HEATR5A: variants seen among roughly 807,000 people sequenced by gnomAD.
The protein encoded by HEATR5A is HEAT repeat containing 5A.
A neutral mutation model predicts 218.8 loss-of-function variants in HEATR5A; 178 were observed. That is an observed-to-expected ratio of 0.81 (90% confidence interval 0.72 to 0.92). HEATR5A has a LOEUF of 0.92. Among genes scored for constraint, HEATR5A ranks in the 40% least tolerant of loss-of-function variants. The pLI is 0.00. For synonymous variants in HEATR5A, 864 were observed against 871.6 expected, an observed-to-expected ratio of 0.99 and a Z score of 0.15; for missense variants, 2,420 against 2,418.9, an observed-to-expected ratio of 1.00 and a Z score of -0.01.
intron 1 of HEATR5A, among the ~76,000 whole-genome samples, chr14:31,416,788 T>A (rs1339926013): frequency 6.6e-6 from 1 of 152,152 alleles, no homozygotes; most frequent in African/African-American, 2.4e-5. Context: ...CAACTAGGAA[T>A]CACTAGATTC....
rs191890444 is a variant in HEATR5A at position 31,342,956 on chromosome 14, C to T, written c.3228+940G>A. Among the ~76,000 whole-genome samples, 4 of 152,222 alleles carry T rather than the reference C, an allele frequency of 2.6e-5. No homozygotes were observed. The East Asian group carries it at 5.8e-4, about 22-fold the overall frequency. On this transcript the variant is annotated intron_variant, in intron 21 of 35. Coordinates refer to ENST00000543095, the MANE Select transcript of HEATR5A (RefSeq NM_015473.4). ...TCTATATAATGATTTTCAACAGTCACGTTACTAATGGGAGTGTGCTACGAA... is the reference window on the plus strand; with the variant it reads ...TCTATATAATGATTTTCAACAGTCATGTTACTAATGGGAGTGTGCTACGAA...
intron 8 of HEATR5A, 33 bp downstream of exon 8, chr14:31,387,087 T>C: frequency 6.2e-7 from 1 of 1,608,744 alleles, no homozygotes; most frequent in Non-Finnish European, 8.5e-7. Flanking sequence ...CCATTAGCAC[T>C]GTTAAACAAA....
chr14:31,348,321 C>G (rs917492728), intron 18 of HEATR5A, among the ~76,000 whole-genome samples: 3 of 152,110 alleles, frequency 2.0e-5, no homozygotes, highest in Admixed American at 1.3e-4. Flanking sequence ...CACGCCTGTA[C>G]TCTCAGCACT....
chr14:31,302,420 G>C lies in HEATR5A; in HGVS notation c.5339C>G (p.Ala1780Gly). Reference protein sequence around the residue: ...LPGGQLSSTVAASLQALKGIL... With the variant: ...LPGGQLSSTVGASLQALKGIL... The stretch of plus-strand genomic sequence containing the variant: ...TCCTTTTAGAGCCTGTAGGGAAGCT[G>C]CAACTGTCGAAGATAACTGGCCCCC... The change falls in exon 33 of 36, where the codon GCA (alanine) becomes GGA (glycine). Residue 1780 changes from alanine to glycine, a missense_variant. Physicochemically the swap from Ala to Gly is moderately conservative, Grantham distance 60 (BLOSUM62 0). Coordinates refer to ENST00000543095, the MANE Select transcript of HEATR5A (RefSeq NM_015473.4). 6.3e-7 allele frequency: 1 copy of C among 1,599,386 alleles called. No homozygotes were observed. Among genetic ancestry groups the C allele is most frequent in the South Asian group, 1.1e-5 (1 of 88,340 alleles).
At chr14:31,367,752 T>C (rs1162574701) in intron 13 of HEATR5A, among the ~76,000 whole-genome samples, 3 of 151,642 alleles carry the variant, frequency 2.0e-5, no homozygotes, top group East Asian at 1.9e-4. Flanking sequence ...CAAAAGTGCA[T>C]GAAGGGCCAA....
chr14:31,380,435 T>C (rs1422497641), intron 11 of HEATR5A, 32 bp downstream of exon 11: 1 of 1,322,926 alleles, frequency 7.6e-7, no homozygotes, highest in South Asian at 1.3e-5. Flanking sequence ...ACAAAGTATT[T>C]CAAGGTATGT....
intron 6 of HEATR5A, 130 bp from the exon 7 acceptor site, chr14:31,389,135 G>T (rs748049861): frequency 1.2e-6 from 1 of 821,794 alleles, no homozygotes; most frequent in Non-Finnish European, 1.9e-6. Flanking sequence ...AAAATTTACA[G>T]AACAGTCTAC....
intron 16 of HEATR5A, among the ~76,000 whole-genome samples, chr14:31,353,597 G>A (rs890049600): frequency 1.6e-4 from 25 of 152,178 alleles, no homozygotes; most frequent in South Asian, 1.5e-3. Context: ...ATTAGCCAGT[G>A]TATTGGTGCC....
intron 13 of HEATR5A, among the ~76,000 whole-genome samples, chr14:31,369,141 T>C (rs769907454): frequency 6.6e-6 from 1 of 151,172 alleles, no homozygotes; most frequent in African/African-American, 2.4e-5. Flanking sequence ...TACAAAAAAG[T>C]AAAAAATTAG....
chr14:31,295,955 C>A lies in HEATR5A; in HGVS notation c.5573G>T (p.Arg1858Leu). ...AGTAGCTTTAAATTTATCAATACAGCGCTTCTGAAGGCATGGGATGGTAGT... is the reference window on the plus strand; with the variant it reads ...AGTAGCTTTAAATTTATCAATACAGAGCTTCTGAAGGCATGGGATGGTAGT... ...EVTTIPCLQK[R>L]CIDKFKATLE... The change falls in exon 34 of 36, where the codon CGC (arginine) becomes CTC (leucine). Residue 1858 changes from arginine (R) to leucine (L), a missense_variant. By Grantham distance (102) the Arg-to-Leu change is moderately radical. Transcript: ENST00000543095. The A allele has an allele frequency of 1.9e-6, 3 of 1,613,580 alleles. No homozygotes were observed. Among genetic ancestry groups the A allele is most frequent in the Non-Finnish European group, 2.5e-6 (3 of 1,179,642 alleles).
chr14:31,295,560 T>G (rs1899161561), intron 34 of HEATR5A: 1 of 146,556 alleles, frequency 6.8e-6, no homozygotes, highest in Non-Finnish European at 1.5e-5. Context: ...TCCCTTTCTT[T>G]TTTTTTTTTT....
At chr14:31,326,073 CAA>C (rs769923388) in intron 23 of HEATR5A, 88 bp downstream of exon 23, 28 of 934,730 alleles carry the variant, frequency 3.0e-5, no homozygotes, top group Non-Finnish European at 4.4e-5. Flanking sequence ...GCTAGTTAGA[CAA>C]GACTGATGAA....
chr14:31,340,203 T>A (rs2139199274), intron 21 of HEATR5A, among the ~76,000 whole-genome samples: 1 of 152,222 alleles, frequency 6.6e-6, no homozygotes, highest in Non-Finnish European at 1.5e-5. Context: ...AATGAATATA[T>A]TAAATAAAAA....
intron 11 of HEATR5A, among the ~76,000 whole-genome samples, chr14:31,377,496 C>CA (rs1247753313): frequency 6.6e-6 from 1 of 152,066 alleles, no homozygotes; most frequent in African/African-American, 2.4e-5. Context: ...AGCCTGGGTG[C>CA]AGTGGCTCAC....
In HEATR5A at chr14:31,293,200, C is replaced by T; in HGVS notation, c.*105G>A. 1.2e-6 allele frequency: 1 copy of T among 826,970 alleles called. No individual in the cohort carries two copies. 51.2% of individuals were successfully genotyped at this position (826,970 alleles called of 1,614,324 possible). On this transcript the variant is annotated 3_prime_UTR_variant, in exon 36 of 36. Transcript: ENST00000543095. ...TCACAGCTATTTAAGGTAAAACAAT[C>T]AACTAGACCTCTAAGGGCACTTGTG...
chr14:31,298,684 T>C (rs1899268165), intron 33 of HEATR5A, among the ~76,000 whole-genome samples: 1 of 152,168 alleles, frequency 6.6e-6, no homozygotes, highest in Non-Finnish European at 1.5e-5. Flanking sequence ...TCCTGTTAAA[T>C]GTGCTGTAAA....
At chr14:31,331,293 A>G (rs542791886) in intron 22 of HEATR5A, among the ~76,000 whole-genome samples, 1 of 152,116 alleles carries the variant, frequency 6.6e-6, no homozygotes, top group Non-Finnish European at 1.5e-5. Flanking sequence ...TCTCAAGTTC[A>G]AAGTTTCACA....
At chr14:31,370,336 A>C (rs1455737209) in intron 13 of HEATR5A, among the ~76,000 whole-genome samples, 1 of 152,208 alleles carries the variant, frequency 6.6e-6, no homozygotes, top group African/African-American at 2.4e-5. Context: ...GGGAAGGGAA[A>C]TATTGAGAAA....
chr14:31,375,335 A>C (rs1595151550), intron 11 of HEATR5A, among the ~76,000 whole-genome samples: 1 of 152,190 alleles, frequency 6.6e-6, no homozygotes, highest in East Asian at 1.9e-4. Context: ...AAGTACTCTG[A>C]AAAGCTGTAA....
Sources: allele counts gnomAD v4.1 joint callset (sites outside exome capture counted in the v4.1 genomes callset), GRCh38; gene constraint gnomAD v4.1.1; transcripts MANE v1.5; gene names NCBI Gene and HGNC (gene_info 2026-07-23, HGNC 2026-07-21).